ANKFN1: variants seen among roughly 807,000 people sequenced by gnomAD.
ANKFN1 encodes ankyrin repeat and fibronectin type III domain containing 1.
Under a neutral mutation model 108.7 loss-of-function variants are expected in ANKFN1, and 74 were observed. The observed-to-expected ratio is 0.68, with a 90% CI of 0.56 to 0.83. The LOEUF is 0.83. Ranked by LOEUF, ANKFN1 falls within the 40% of genes least tolerant of loss-of-function variation. The pLI is 0.00. For missense variants in ANKFN1, 1,505 were observed against 1,382.3 expected, an observed-to-expected ratio of 1.09 and a Z score of -1.41; for synonymous variants, 547 against 516.2, an observed-to-expected ratio of 1.06 and a Z score of -0.81.
At chr17:56,334,661 T>C (rs1325892859) in intron 4 of ANKFN1, among the ~76,000 whole-genome samples, 2 of 152,090 alleles carry the variant, frequency 1.3e-5, no homozygotes, top group Admixed American at 6.6e-5. Flanking sequence ...TATGAGGAAA[T>C]TGAGGTTCAG....
chr17:56,150,247 C>G (rs1908516786), upstream of ANKFN1, among the ~76,000 whole-genome samples: 1 of 152,220 alleles, frequency 6.6e-6, no homozygotes, highest in Non-Finnish European at 1.5e-5. Flanking sequence ...TGTTTGTTAA[C>G]ACTTGGAATC....
chr17:56,399,251 A>C (rs561018626), intron 8 of ANKFN1, among the ~76,000 whole-genome samples: 1 of 152,186 alleles, frequency 6.6e-6, no homozygotes, highest in East Asian at 1.9e-4. Flanking sequence ...AAAATAATAA[A>C]ATTTCTAGAA....
intron 8 of ANKFN1, among the ~76,000 whole-genome samples, chr17:56,411,545 TG>T (rs1260240091): frequency 6.6e-6 from 1 of 152,230 alleles, no homozygotes; most frequent in Non-Finnish European, 1.5e-5. Context: ...ATGGAAAGAA[TG>T]GGCATCCTTT....
chr17:56,307,027 G>A (rs1378122408), intron 3 of ANKFN1, among the ~76,000 whole-genome samples: 2 of 152,176 alleles, frequency 1.3e-5, no homozygotes, highest in Non-Finnish European at 1.5e-5. Context: ...CTAGCCATAT[G>A]TAGAAAGCTG....
chr17:56,492,001 A>G (rs1006421154), intron 18 of ANKFN1, among the ~76,000 whole-genome samples, 186 bp from the exon 19 acceptor site: 10 of 152,184 alleles, frequency 6.6e-5, no homozygotes, highest in Non-Finnish European at 1.5e-4. Flanking sequence ...AAAAGGGAAT[A>G]CTGTCTGACT....
intron 8 of ANKFN1, among the ~76,000 whole-genome samples, chr17:56,428,965 G>A (rs1186891755): frequency 6.6e-6 from 1 of 151,882 alleles, no homozygotes; most frequent in Non-Finnish European, 1.5e-5. Context: ...ACAGATGTTG[G>A]CCACTGTGAG....
At chr17:56,337,459 A>G (rs1044345989) in intron 4 of ANKFN1, among the ~76,000 whole-genome samples, 2 of 152,190 alleles carry the variant, frequency 1.3e-5, no homozygotes, top group Admixed American at 1.3e-4. Flanking sequence ...GCCAAAATTG[A>G]CAAATGGGAT....
At chr17:56,452,102 G>A (rs930435706) in intron 11 of ANKFN1, among the ~76,000 whole-genome samples, 3 of 152,058 alleles carry the variant, frequency 2.0e-5, no homozygotes, top group Non-Finnish European at 4.4e-5. Context: ...AACAACAATC[G>A]TGTTCATCAT....
intron 3 of ANKFN1, among the ~76,000 whole-genome samples, chr17:56,273,266 C>A (rs1429344702): frequency 3.3e-5 from 5 of 152,012 alleles, no homozygotes; most frequent in African/African-American, 1.2e-4. Context: ...ATAAACAGCT[C>A]TTTGTAAATA....
In ANKFN1 at chr17:56,511,107, G is replaced by C; in HGVS notation, c.3279G>C (p.Glu1093Asp). 2.6e-6 allele frequency: 4 copies of C among 1,535,996 alleles called. No individual in the cohort carries two copies. The highest frequency in any genetic ancestry group is 3.5e-6 in the Non-Finnish European group (4 of 1,146,854). Residue 1093 changes from glutamate (E) to aspartate (D), a missense_variant, in exon 21 of 21, where the codon GAG (glutamate) becomes GAC (aspartate). By Grantham distance (45) the Glu-to-Asp change is conservative. Transcript: ENST00000682825. ...CTTCCGTCCGCCGCCTCTACGTGGA[G>C]CCCTACGCAGCGGCCGTGGTGGCCC... is the stretch of plus-strand genomic sequence containing the variant. Reference protein sequence around the residue: ...ARPSVRRLYVEPYAAAVVAQD... With the variant: ...ARPSVRRLYVDPYAAAVVAQD...
chr17:56,337,797 G>A (rs532054384), intron 4 of ANKFN1, among the ~76,000 whole-genome samples: 84 of 152,134 alleles, frequency 5.5e-4, no homozygotes, highest in Middle Eastern at 6.8e-3. Flanking sequence ...TAAAAAATCA[G>A]GAAACAACAG....
intron 4 of ANKFN1, among the ~76,000 whole-genome samples, chr17:56,332,905 T>G (rs11652141): frequency 0.5 from 75,691 of 151,758 alleles, 19,262 homozygotes; most frequent in Middle Eastern, 0.58. Context: ...TGAATGTATA[T>G]GTCAGTTTGG....
chr17:56,153,287 C>A (rs1229746967), upstream of ANKFN1, among the ~76,000 whole-genome samples: 1 of 152,184 alleles, frequency 6.6e-6, no homozygotes, highest in African/African-American at 2.4e-5. Context: ...AAAACGATTT[C>A]TTTGTCACCA....
chr17:56,113,649 G>A (rs1906098271), intron 4 of ANKFN1, among the ~76,000 whole-genome samples: 1 of 152,194 alleles, frequency 6.6e-6, no homozygotes, highest in Admixed American at 6.5e-5. Flanking sequence ...TAATGAGGCA[G>A]TGCATGTGTA....
intron 15 of ANKFN1, 50 bp from the exon 16 acceptor site, chr17:56,477,438 C>T: frequency 6.7e-7 from 1 of 1,483,248 alleles, no homozygotes; most frequent in Non-Finnish European, 8.9e-7. Flanking sequence ...TGAGATTGCC[C>T]TTCGAGTTGT....
chr17:56,214,691 T>C (rs1018466590), intron 2 of ANKFN1, among the ~76,000 whole-genome samples: 2 of 152,172 alleles, frequency 1.3e-5, no homozygotes, highest in African/African-American at 4.8e-5. Flanking sequence ...TTCTCTAAGA[T>C]TTCCCCTGAC....
At chr17:56,366,520 G>A (rs963978332) in intron 6 of ANKFN1, among the ~76,000 whole-genome samples, 4 of 152,154 alleles carry the variant, frequency 2.6e-5, no homozygotes, top group African/African-American at 9.7e-5. Flanking sequence ...TTCACCCAAA[G>A]CAACCTCCAG....
At chr17:56,101,927 G>T (rs1267117454) in intron 4 of ANKFN1, among the ~76,000 whole-genome samples, 1 of 152,126 alleles carries the variant, frequency 6.6e-6, no homozygotes, top group African/African-American at 2.4e-5. Context: ...CAACTGAGAT[G>T]CTCCCTCACA....
At chr17:56,240,881 T>C (rs955774204) in intron 3 of ANKFN1, among the ~76,000 whole-genome samples, 2 of 147,462 alleles carry the variant, frequency 1.4e-5, no homozygotes, top group South Asian at 2.1e-4. Context: ...ATTTTTATGG[T>C]TTTGTATAAG....
Sources: allele counts gnomAD v4.1 joint callset (sites outside exome capture counted in the v4.1 genomes callset), GRCh38; gene constraint gnomAD v4.1.1; transcripts MANE v1.5; gene names NCBI Gene and HGNC (gene_info 2026-07-23, HGNC 2026-07-21).